Variants in SLC25A16 observed in about 807,000 individuals in gnomAD.
The protein encoded by SLC25A16 is mitochondrial coenzyme A transporter SLC25A16.
A neutral mutation model predicts 41.5 loss-of-function variants in SLC25A16; 39 were observed. The observed-to-expected ratio is 0.94, with a 90% CI of 0.73 to 1.23. The LOEUF is 1.23. Ranked by LOEUF, SLC25A16 falls within the 50% of genes most tolerant of loss-of-function variation. The pLI is 0.00. For synonymous variants in SLC25A16, 146 were observed against 147.8 expected (o/e 0.99, Z 0.09); for missense variants, 421 against 426.9 (o/e 0.99, Z 0.12).
In SLC25A16 at chr10:68,488,460, A is replaced by G. The variant is rs2052601245; in HGVS notation, c.773+7T>C. The stretch of plus-strand genomic sequence containing the variant: ...TTTGATTAAATTAAGTTAGTGAAGA[A>G]ACTTACGATATTGTCTGCGCTATTG... On this transcript the variant is annotated splice_region_variant and intron_variant, in intron 7 of 8. Coordinates refer to ENST00000609923, the MANE Select transcript of SLC25A16 (RefSeq NM_152707.4). The G allele has an allele frequency of 1.3e-6, 2 of 1,485,494 alleles. No individual in the cohort carries two copies. The highest frequency in any genetic ancestry group is 1.8e-6 in the Non-Finnish European group (2 of 1,119,864). 92.0% of individuals were successfully genotyped at this position (1,485,494 alleles called of 1,614,324 possible).
chr10:68,486,231 CAA>C (rs569434507), intron 8 of SLC25A16, among the ~76,000 whole-genome samples: 2 of 85,024 alleles, frequency 2.4e-5, no homozygotes, highest in Non-Finnish European at 5.0e-5. Flanking sequence ...AAAAACAAAA[CAA>C]AAAAAAAAAA....
chr10:68,516,322 A>T (rs532535565), intron 2 of SLC25A16, among the ~76,000 whole-genome samples: 1 of 152,240 alleles, frequency 6.6e-6, no homozygotes, highest in East Asian at 1.9e-4. Context: ...CTGGCTAGCA[A>T]CTTAGAACTT....
intron 1 of SLC25A16, chr10:68,517,369 G>A (rs2133588794): frequency 2.5e-6 from 1 of 399,594 alleles, no homozygotes; most frequent in Non-Finnish European, 3.4e-6. Context: ...TGCCACTGGG[G>A]AAAAGTATAG....
chr10:68,520,665 A>T (rs1214303244), intron 1 of SLC25A16, among the ~76,000 whole-genome samples: 1 of 152,120 alleles, frequency 6.6e-6, no homozygotes, highest in Admixed American at 6.6e-5. Context: ...TACAAAAATT[A>T]GCTAGGCCTG....
Position 68,483,342 on chromosome 10 carries a change from C to T in SLC25A16, c.*90G>A. ...TGGCTCTTGTGACAGGGTAAATATC[C>T]CCATTCAAGTAATGTTCCCCCCACA... On this transcript the variant is annotated 3_prime_UTR_variant, in exon 9 of 9. Coordinates refer to ENST00000609923, the MANE Select transcript of SLC25A16 (RefSeq NM_152707.4). 1.2e-6 allele frequency: 1 copy of T among 809,380 alleles called. No individual in the cohort carries two copies. The highest frequency in any genetic ancestry group is 1.7e-5 in the African/African-American group (1 of 57,906). The allele number at this position is 809,380 out of a possible 1,614,324, so 50.1% of individuals were successfully genotyped here. A position where few individuals can be genotyped will look rare whatever the true frequency, so the allele number is the denominator to read the frequency against.
chr10:68,497,304 T>C (rs1255992976), intron 4 of SLC25A16, among the ~76,000 whole-genome samples: 1 of 152,174 alleles, frequency 6.6e-6, no homozygotes, highest in Non-Finnish European at 1.5e-5. Flanking sequence ...CCAAGCGTCA[T>C]AGATACAAAA....
chr10:68,514,863 G>A (rs935359803), intron 2 of SLC25A16, among the ~76,000 whole-genome samples: 2 of 151,452 alleles, frequency 1.3e-5, no homozygotes, highest in African/African-American at 2.4e-5. Context: ...TCAATCTCCC[G>A]AGTAACTAGG....
At chr10:68,492,379 A>C (rs1245144586) in intron 6 of SLC25A16, among the ~76,000 whole-genome samples, 1 of 152,160 alleles carries the variant, frequency 6.6e-6, no homozygotes, top group East Asian at 1.9e-4. Context: ...AATAAAGCCA[A>C]CTGAGATGTT....
chr10:68,524,001 C>T (rs774985048), intron 1 of SLC25A16, among the ~76,000 whole-genome samples: 40 of 151,082 alleles, frequency 2.6e-4, no homozygotes, highest in South Asian at 8.4e-4. Context: ...TCTGGGAGGC[C>T]GAGGTGGGTG....
intron 4 of SLC25A16, 122 bp downstream of exon 4, chr10:68,503,510 A>T: frequency 1.9e-6 from 1 of 537,136 alleles, no homozygotes; most frequent in Non-Finnish European, 3.3e-6. Context: ...AGGAAAAAAT[A>T]CAAGTCACAG....
In SLC25A16 at chr10:68,504,017, C is replaced by CTTT. The variant is rs148285905; in HGVS notation, c.358-325_358-323dup. Among the ~76,000 whole-genome samples the CTTT allele has an allele frequency of 1.0e-3, 73 of 70,894 alleles. 1 individual carries two copies. The highest frequency in any genetic ancestry group is 3.9e-3 in the African/African-American group (69 of 17,642). The allele number at this position is 70,894 out of a possible 152,430, so 46.5% of individuals were successfully genotyped here. On this transcript the variant is annotated intron_variant, in intron 3 of 8. Coordinates refer to ENST00000609923, the MANE Select transcript of SLC25A16 (RefSeq NM_152707.4). ...TGGGGGTAGTAGGAATAAACTGCTACTTTTTTTTTTTTTTTTTTTTTTTTT... is the reference window on the plus strand; with the variant it reads ...TGGGGGTAGTAGGAATAAACTGCTACTTTTTTTTTTTTTTTTTTTTTTTTTTTT...
At chr10:68,485,463 C>T (rs1020302687) in intron 8 of SLC25A16, among the ~76,000 whole-genome samples, 1 of 152,100 alleles carries the variant, frequency 6.6e-6, no homozygotes, top group African/African-American at 2.4e-5. Flanking sequence ...TGGCTAACTG[C>T]AACCTCCGCC....
intron 4 of SLC25A16, among the ~76,000 whole-genome samples, chr10:68,496,221 C>T (rs2052748479): frequency 6.6e-6 from 1 of 152,086 alleles, no homozygotes; most frequent in South Asian, 2.1e-4. Context: ...TATGTAACAA[C>T]GTGGGAATTC....
At chr10:68,489,603 T>C (rs2052622693) in intron 6 of SLC25A16, among the ~76,000 whole-genome samples, 1 of 151,862 alleles carries the variant, frequency 6.6e-6, no homozygotes, top group Admixed American at 6.6e-5. Context: ...CTCAAGATAT[T>C]GTGATGTTTA....
intron 6 of SLC25A16, among the ~76,000 whole-genome samples, chr10:68,490,799 A>G (rs760005343): frequency 1.8e-4 from 28 of 152,172 alleles, no homozygotes; most frequent in Non-Finnish European, 3.5e-4. Context: ...TTTTTTTGAC[A>G]CAATAAAGAC....
At position 68,493,505 on chromosome 10, in the gene SLC25A16, T is replaced by A. The variant is rs2052697662; in HGVS notation, c.487A>T (p.Lys163Ter). Residue 163 changes from lysine (K) to a stop codon, truncating the protein, a stop_gained, in exon 5 of 9, where the codon AAA becomes TAA. Coordinates refer to ENST00000609923, the MANE Select transcript of SLC25A16 (RefSeq NM_152707.4). LOFTEE classifies it high-confidence loss of function. ...ATTCCTGTATAGCTGTGTTCCCCTT[T>A]CACCTGGAATGCTAGGCGGACCCTA... ...MVRVRLAFQV[K>*]GEHSYTGIIH... The A allele has an allele frequency of 6.2e-7, 1 of 1,613,186 alleles. No homozygotes were observed. The highest frequency in any genetic ancestry group is 8.5e-7 in the Non-Finnish European group (1 of 1,179,258).
chr10:68,485,153 G>A (rs2052537812), intron 8 of SLC25A16, among the ~76,000 whole-genome samples: 1 of 152,068 alleles, frequency 6.6e-6, no homozygotes, highest in Admixed American at 6.5e-5. Context: ...GCAGTAGCAC[G>A]ATCTCGGCTC....
At chr10:68,485,334 C>T (rs1225468886) in intron 8 of SLC25A16, among the ~76,000 whole-genome samples, 1 of 152,130 alleles carries the variant, frequency 6.6e-6, no homozygotes, top group Non-Finnish European at 1.5e-5. Flanking sequence ...TTGTGATCCT[C>T]CCGCGTCAGC....
At position 68,526,136 on chromosome 10, in the gene SLC25A16, T is replaced by A. The variant is rs57049298; in HGVS notation, c.130+1110A>T. 4.5e-3 allele frequency among the ~76,000 whole-genome samples: 689 copies of A among 151,818 alleles called. 10 individuals carry two copies. Among genetic ancestry groups the A allele is most frequent in the African/African-American group, 0.016 (660 of 41,306 alleles). ...TAGTATAAGAGGAAGGCATGCCTCT[T>A]GCAGTTGAGACAAGAGGAAGGCATC... On this transcript the variant is annotated intron_variant, in intron 1 of 8. Transcript: ENST00000609923.
Sources: allele counts gnomAD v4.1 joint callset (sites outside exome capture counted in the v4.1 genomes callset), GRCh38; gene constraint gnomAD v4.1.1; transcripts MANE v1.5; gene names NCBI Gene and HGNC (gene_info 2026-07-23, HGNC 2026-07-21).